Variants in TACR1 observed in about 807,000 individuals in gnomAD.
TACR1 encodes the protein tachykinin receptor 1, also known as substance-P receptor.
Under a neutral mutation model 35.8 loss-of-function variants are expected in TACR1, and 25 were observed. The ratio of observed to expected loss-of-function variants is 0.70; its 90% CI spans 0.51 to 0.98. TACR1 has a LOEUF of 0.98. Ranked by LOEUF, TACR1 falls within the 50% of genes least tolerant of loss-of-function variation. The pLI is 0.00. For synonymous variants in TACR1, 195 were observed against 206.7 expected, an observed-to-expected ratio of 0.94 and a Z score of 0.48; for missense variants, 478 against 522.9, an observed-to-expected ratio of 0.91 and a Z score of 0.84.
chr2:75,051,205 G>T, intron 4 of TACR1, 46 bp downstream of exon 4: 12 of 1,613,504 alleles, frequency 7.4e-6, no homozygotes, highest in Non-Finnish European at 1.0e-5. Context: ...TGTGTATGTA[G>T]ATGGTCTTGT....
At chr2:75,189,945 TTTGA>T (rs1203934105) in intron 1 of TACR1, 1 of 152,226 alleles carries the variant, frequency 6.6e-6, no homozygotes, top group African/African-American at 2.4e-5. Context: ...GTAAGATTGA[TTTGA>T]TTAAGTTTGA....
chr2:75,103,955 A>G lies in TACR1; in HGVS notation c.584+16619T>C, dbSNP rs912078611. 2.0e-5 allele frequency among the ~76,000 whole-genome samples: 3 copies of G among 152,242 alleles called. No individual in the cohort carries two copies. The South Asian group carries it at 6.2e-4, about 32-fold the overall frequency. ...ATCAAAGCATACTATTATAGAAAAT[A>G]GTCAAATCACAAAGGAGGAGAGCAA... On this transcript the variant is annotated intron_variant, in intron 2 of 4. Coordinates refer to ENST00000305249, the MANE Select transcript of TACR1 (RefSeq NM_001058.4).
At chr2:75,074,209 G>A (rs769933840) in intron 2 of TACR1, among the ~76,000 whole-genome samples, 11 of 152,224 alleles carry the variant, frequency 7.2e-5, no homozygotes, top group Non-Finnish European at 1.3e-4. Flanking sequence ...CTCACCAGGA[G>A]CATCAAGCTC....
chr2:75,136,333 C>T (rs185030549), intron 1 of TACR1, among the ~76,000 whole-genome samples: 30 of 152,274 alleles, frequency 2.0e-4, no homozygotes, highest in African/African-American at 5.5e-4. Context: ...GTGCTAAAGA[C>T]GTGCTTATTA....
intron 1 of TACR1, among the ~76,000 whole-genome samples, chr2:75,178,896 G>A (rs565990254): frequency 1.3e-5 from 2 of 152,186 alleles, no homozygotes; most frequent in Admixed American, 6.5e-5. Context: ...TTTAGAGTTC[G>A]CCAGGGCTCA....
intron 1 of TACR1, among the ~76,000 whole-genome samples, chr2:75,134,427 GAGA>G (rs1553378603): frequency 8.5e-5 from 13 of 152,152 alleles, no homozygotes; most frequent in Non-Finnish European, 2.9e-5. Context: ...GCTGTCTCTG[GAGA>G]AGGACACACA....
chr2:75,120,127 A>G (rs557921199), intron 2 of TACR1, among the ~76,000 whole-genome samples: 206 of 152,292 alleles, frequency 1.4e-3, no homozygotes, highest in African/African-American at 4.7e-3. Flanking sequence ...GTATAAAAGA[A>G]TGGCTACTCC....
intron 2 of TACR1, among the ~76,000 whole-genome samples, chr2:75,057,850 G>C (rs1406583444): frequency 6.6e-6 from 1 of 152,106 alleles, no homozygotes; most frequent in Non-Finnish European, 1.5e-5. Flanking sequence ...AATTTACTTG[G>C]TGTCACTGAA....
intron 1 of TACR1, among the ~76,000 whole-genome samples, chr2:75,194,925 G>A (rs1163294983): frequency 6.6e-6 from 1 of 152,038 alleles, no homozygotes; most frequent in Non-Finnish European, 1.5e-5. Context: ...CTCCCTGCAG[G>A]GCTTGGAGAT....
chr2:75,149,571 A>G (rs1674626286), intron 1 of TACR1, among the ~76,000 whole-genome samples: 1 of 151,910 alleles, frequency 6.6e-6, no homozygotes, highest in African/African-American at 2.4e-5. Context: ...AACATTTGTG[A>G]TTTTTGCACA....
chr2:75,080,169 G>A (rs6715420), intron 2 of TACR1, among the ~76,000 whole-genome samples: 30,399 of 152,042 alleles, frequency 0.2, 3,609 homozygotes, highest in Admixed American at 0.32. Flanking sequence ...TTAAGTTGGT[G>A]TAAATATTTA....
At chr2:75,096,661 A>T (rs1673430939) in intron 2 of TACR1, among the ~76,000 whole-genome samples, 1 of 152,212 alleles carries the variant, frequency 6.6e-6, no homozygotes, top group South Asian at 2.1e-4. Context: ...GCATAGCTGT[A>T]AAACTGGTTC....
At chr2:75,176,834 G>A (rs1165304819) in intron 1 of TACR1, among the ~76,000 whole-genome samples, 11 of 152,144 alleles carry the variant, frequency 7.2e-5, no homozygotes, top group Admixed American at 7.2e-4. Flanking sequence ...ACCACCAGAG[G>A]TCTGGGCTTC....
chr2:75,054,899 C>T (rs1173499259), intron 2 of TACR1, among the ~76,000 whole-genome samples: 1 of 152,148 alleles, frequency 6.6e-6, no homozygotes, highest in Non-Finnish European at 1.5e-5. Context: ...AAGCATTTTA[C>T]TAGCATTATC....
At chr2:75,059,104 T>C (rs1221937640) in intron 2 of TACR1, among the ~76,000 whole-genome samples, 1 of 152,136 alleles carries the variant, frequency 6.6e-6, no homozygotes, top group African/African-American at 2.4e-5. Context: ...TCGGGGTGGG[T>C]GGGTAGAAAA....
intron 1 of TACR1, chr2:75,154,406 G>GCTCGCGTGCGCGCGCGCGCGCGCA (rs1264139655): frequency 1.3e-5 from 1 of 78,514 alleles, no homozygotes; most frequent in African/African-American, 6.4e-5. Flanking sequence ...CCAAGAGCGC[G>GCTCGCGTGCGCGCGCGCGCGCGCA]CACGCACACA....
chr2:75,137,061 A>G (rs1674306966), intron 1 of TACR1, among the ~76,000 whole-genome samples: 1 of 152,150 alleles, frequency 6.6e-6, no homozygotes, highest in South Asian at 2.1e-4. Context: ...CCAGGCTAGA[A>G]GTAGCTTGAG....
chr2:75,127,543 C>T (rs1033226410), intron 1 of TACR1, among the ~76,000 whole-genome samples: 9 of 152,166 alleles, frequency 5.9e-5, no homozygotes, highest in Admixed American at 2.6e-4. Context: ...GCGCCATCAA[C>T]AAGACCATAA....
chr2:75,108,316 C>G (rs1436407957), intron 2 of TACR1, among the ~76,000 whole-genome samples: 1 of 152,060 alleles, frequency 6.6e-6, no homozygotes, highest in Non-Finnish European at 1.5e-5. Context: ...CCATGACCAA[C>G]TAAGATTTAT....
Sources: allele counts gnomAD v4.1 joint callset (sites outside exome capture counted in the v4.1 genomes callset), GRCh38; gene constraint gnomAD v4.1.1; transcripts MANE v1.5; gene names NCBI Gene and HGNC (gene_info 2026-07-23, HGNC 2026-07-21).